The following TPRG1 variants were observed in gnomAD, a reference collection of about 807,000 sequenced individuals.
The protein encoded by TPRG1 is tumor protein p63 regulated 1.
In TPRG1, 29 loss-of-function variants were observed where a neutral mutation model predicts 29.3. The ratio of observed to expected loss-of-function variants is 0.99; its 90% confidence interval spans 0.74 to 1.35. The LOEUF (loss-of-function observed/expected upper bound fraction) is 1.35, where lower values mean the gene tolerates loss of function less well. Ranked by LOEUF, TPRG1 falls within the 40% of genes most tolerant of loss-of-function variation. The pLI is 0.00. For missense variants in TPRG1, 327 were observed against 335.0 expected, an observed-to-expected ratio of 0.98 and a Z score of 0.19; for synonymous variants, 130 against 116.8, an observed-to-expected ratio of 1.11 and a Z score of -0.73.
chr3:189,215,895 C>A (rs1012964628), intron 3 of TPRG1, among the ~76,000 whole-genome samples: 8 of 151,962 alleles, frequency 5.3e-5, no homozygotes, highest in Non-Finnish European at 1.0e-4. Context: ...GGATAAAAAC[C>A]AAGTCGAACA....
At chr3:189,002,475 G>A (rs1357920066) in intron 2 of TPRG1, among the ~76,000 whole-genome samples, 14 of 152,068 alleles carry the variant, frequency 9.2e-5, no homozygotes, top group Non-Finnish European at 2.9e-5. Flanking sequence ...TTTTAATCCA[G>A]GTGAATTTTT....
chr3:189,310,601 G>C, intron 5 of TPRG1, 62 bp downstream of exon 5: 3 of 1,268,252 alleles, frequency 2.4e-6, no homozygotes, highest in Non-Finnish European at 3.3e-6. Flanking sequence ...TGTGCTTCTA[G>C]GGACGTGTAC....
At chr3:189,030,075 C>T (rs560116200) in intron 4 of TPRG1, among the ~76,000 whole-genome samples, 1 of 152,256 alleles carries the variant, frequency 6.6e-6, no homozygotes, top group East Asian at 1.9e-4. Flanking sequence ...AGAGGTGTTT[C>T]TTCTCTTTTT....
chr3:189,222,804 A>G (rs1042931246), intron 3 of TPRG1, among the ~76,000 whole-genome samples: 2 of 152,254 alleles, frequency 1.3e-5, no homozygotes, highest in Admixed American at 6.5e-5. Context: ...TACAAATTCT[A>G]TCAGTCAAAT....
At chr3:189,198,206 T>G (rs1732866113) in intron 1 of TPRG1, among the ~76,000 whole-genome samples, 1 of 152,132 alleles carries the variant, frequency 6.6e-6, no homozygotes, top group Non-Finnish European at 1.5e-5. Flanking sequence ...ACCTCACACA[T>G]TTGCCTGGAA....
intron 1 of TPRG1, among the ~76,000 whole-genome samples, chr3:189,179,753 T>C (rs112295856): frequency 1.3e-5 from 2 of 152,224 alleles, no homozygotes; most frequent in African/African-American, 4.8e-5. Context: ...CAATTAAATG[T>C]AGCACTCTTT....
intron 1 of TPRG1, among the ~76,000 whole-genome samples, chr3:189,181,363 T>A (rs77436169): frequency 2.0e-5 from 3 of 152,208 alleles, no homozygotes; most frequent in Admixed American, 2.0e-4. Context: ...TTTCCCAAAC[T>A]TTTATGTTCT....
At chr3:189,057,506 T>TG (rs931362591) in intron 4 of TPRG1, among the ~76,000 whole-genome samples, 1 of 151,694 alleles carries the variant, frequency 6.6e-6, no homozygotes, top group Admixed American at 6.6e-5. Context: ...ATTGCTTTTT[T>TG]TTTTTTTTTA....
At chr3:189,142,153 G>A (rs1724656356) in intron 3 of TPRG1, among the ~76,000 whole-genome samples, 1 of 152,128 alleles carries the variant, frequency 6.6e-6, no homozygotes, top group South Asian at 2.1e-4. Flanking sequence ...GGGCAGGACG[G>A]GCAGCACGTA....
chr3:189,264,499 A>G (rs1713696797), intron 4 of TPRG1, among the ~76,000 whole-genome samples: 1 of 151,488 alleles, frequency 6.6e-6, no homozygotes, highest in Non-Finnish European at 1.5e-5. Flanking sequence ...CTTAGTTCAA[A>G]TTTCCTGGAT....
chr3:189,207,602 T>C lies in TPRG1; in HGVS notation c.210+8T>C. 1.2e-6 allele frequency: 2 copies of C among 1,613,374 alleles called. No individual in the cohort carries two copies. The highest frequency in any genetic ancestry group is 4.5e-5 in the East Asian group (2 of 44,870). ...AAGTACTTTGCTACACGGGTAAATTTATTGGTTCTCTTAAATACTATATAA... is the reference window on the plus strand; with the variant it reads ...AAGTACTTTGCTACACGGGTAAATTCATTGGTTCTCTTAAATACTATATAA... On this transcript the variant is annotated splice_region_variant and intron_variant, in intron 2 of 5. Transcript: ENST00000345063.
At chr3:189,146,371 A>G (rs890086232) in intron 3 of TPRG1, among the ~76,000 whole-genome samples, 2 of 152,196 alleles carry the variant, frequency 1.3e-5, no homozygotes, top group African/African-American at 2.4e-5. Context: ...GACTTAGACA[A>G]TTACTAGGAA....
chr3:189,115,880 A>G (rs574219673), intron 1 of TPRG1, among the ~76,000 whole-genome samples: 16 of 152,202 alleles, frequency 1.1e-4, no homozygotes, highest in Non-Finnish European at 2.2e-4. Flanking sequence ...AATAATTAAA[A>G]AAAATTCCTT....
intron 3 of TPRG1, among the ~76,000 whole-genome samples, chr3:189,145,190 C>T (rs1211606637): frequency 6.6e-6 from 1 of 151,812 alleles, no homozygotes; most frequent in African/African-American, 2.4e-5. Context: ...GGTGAAACCG[C>T]GTCTCTACTA....
At chr3:189,312,176 TC>T (rs1722746264) in intron 5 of TPRG1, among the ~76,000 whole-genome samples, 3,229 of 71,390 alleles carry the variant, frequency 0.045, 46 homozygotes, top group East Asian at 0.11. Context: ...TTTCTTTCTT[TC>T]TTTCTTTTTT....
chr3:189,281,568 A>T (rs1043897250), intron 4 of TPRG1, among the ~76,000 whole-genome samples: 1 of 152,322 alleles, frequency 6.6e-6, no homozygotes, highest in South Asian at 2.1e-4. Flanking sequence ...GTGAGTGTGT[A>T]TAAGAGATAT....
At chr3:189,304,901 T>C (rs1371278055) in intron 4 of TPRG1, among the ~76,000 whole-genome samples, 1 of 152,092 alleles carries the variant, frequency 6.6e-6, no homozygotes, top group Non-Finnish European at 1.5e-5. Flanking sequence ...ACTCACAGCC[T>C]CCCTCTGTTT....
chr3:189,274,109 AT>A (rs59663016), intron 4 of TPRG1, among the ~76,000 whole-genome samples: 226 of 145,944 alleles, frequency 1.5e-3, no homozygotes, highest in East Asian at 3.4e-3. Context: ...CGGAACCCAG[AT>A]TTTTTTTTTT....
chr3:189,008,065 A>AAAG (rs1491106415), intron 3 of TPRG1, among the ~76,000 whole-genome samples: 1 of 68,850 alleles, frequency 1.5e-5, no homozygotes, highest in Non-Finnish European at 2.4e-5. Context: ...GAAAAGAAAG[A>AAAG]AAAAAAAAAA....
Sources: allele counts gnomAD v4.1 joint callset (sites outside exome capture counted in the v4.1 genomes callset), GRCh38; gene constraint gnomAD v4.1.1; transcripts MANE v1.5; gene names NCBI Gene and HGNC (gene_info 2026-07-23, HGNC 2026-07-21).